MECOM: variants seen among roughly 807,000 people sequenced by gnomAD.
The protein encoded by MECOM is MDS1 and EVI1 complex locus, also known as histone-lysine N-methyltransferase MECOM.
A neutral mutation model predicts 116.3 loss-of-function variants in MECOM; 13 were observed. The observed-to-expected ratio is 0.11, with a 90% confidence interval of 0.07 to 0.18. The LOEUF (loss-of-function observed/expected upper bound fraction) is 0.18. MECOM is among the 10% of genes least tolerant of loss of function. MECOM has a pLI of 1.00. For missense variants in MECOM, 1,299 were observed against 1,509.0 expected (o/e 0.86, Z 2.31); for synonymous variants, 528 against 535.2 (o/e 0.99, Z 0.19).
At chr3:169,483,441 A>G (rs1444910356) in intron 1 of MECOM, among the ~76,000 whole-genome samples, 3 of 143,160 alleles carry the variant, frequency 2.1e-5, no homozygotes, top group African/African-American at 7.8e-5. Flanking sequence ...TCAGTTCGGT[A>G]AAGTCACCCT....
chr3:169,322,997 T>TAAAAAAAAAAAAAAAA lies in MECOM; in HGVS notation c.375+58174_375+58189dup, dbSNP rs748984561. 7.1e-5 allele frequency among the ~76,000 whole-genome samples: 4 copies of TAAAAAAAAAAAAAAAA among 56,048 alleles called. 1 individual carries two copies. Among genetic ancestry groups the TAAAAAAAAAAAAAAAA allele is most frequent in the Non-Finnish European group, 1.3e-4 (4 of 29,886 alleles). The allele number at this position is 56,048 out of a possible 152,430, so 36.8% of individuals were successfully genotyped here. On this transcript the variant is annotated intron_variant, in intron 2 of 16. Coordinates refer to ENST00000651503, the MANE Select transcript of MECOM (RefSeq NM_004991.4). ...CCTGCATGACAGAGCAAGACTCCGGTAAAAAAAAAAAAAAAAAAAAAAAAA... is the reference window on the plus strand; with the variant it reads ...CCTGCATGACAGAGCAAGACTCCGGTAAAAAAAAAAAAAAAAAAAAAAAAAAAAAAAAAAAAAAAAA...
At chr3:169,371,873 CAT>C (rs1050173246) in intron 2 of MECOM, among the ~76,000 whole-genome samples, 3 of 152,070 alleles carry the variant, frequency 2.0e-5, no homozygotes, top group Admixed American at 6.6e-5. Context: ...TCTTAGTTAA[CAT>C]AGATTGCCTG....
rs560720514 is a variant in MECOM at position 169,164,442 on chromosome 3, C to T, written c.376-20610G>A. ...CCAGTCTTGGGTATATCTTTATCAG[C>T]GGCATGAAAACCGACTAATACAACA... On this transcript the variant is annotated intron_variant, in intron 2 of 16. Coordinates refer to ENST00000651503, the MANE Select transcript of MECOM (RefSeq NM_004991.4). Among the ~76,000 whole-genome samples the T allele has an allele frequency of 3.9e-5, 6 of 152,122 alleles. No individual in the cohort carries two copies. In the South Asian group the frequency reaches 6.2e-4, roughly 16 times the overall value.
intron 1 of MECOM, among the ~76,000 whole-genome samples, chr3:169,486,864 G>A (rs977717822): frequency 3.3e-5 from 5 of 152,040 alleles, no homozygotes; most frequent in African/African-American, 7.2e-5. Context: ...ACTCTTTTAG[G>A]AGAGAAAGCA....
At chr3:169,294,956 T>C (rs1176235996) in intron 2 of MECOM, among the ~76,000 whole-genome samples, 7 of 152,212 alleles carry the variant, frequency 4.6e-5, no homozygotes, top group Non-Finnish European at 1.0e-4. Context: ...TTTGCTCTGA[T>C]AAATGCTTTC....
intron 3 of MECOM, chr3:169,131,741 C>G: frequency 1.6e-6 from 1 of 629,072 alleles, no homozygotes; most frequent in Non-Finnish European, 2.5e-6. Context: ...ACTCTCAAGC[C>G]AGTTCACAAA....
At chr3:169,171,970 T>C (rs1054642278) in intron 2 of MECOM, among the ~76,000 whole-genome samples, 2 of 152,138 alleles carry the variant, frequency 1.3e-5, no homozygotes, top group Non-Finnish European at 2.9e-5. Context: ...CAACATTCAA[T>C]GGGTTCTATC....
intron 1 of MECOM, among the ~76,000 whole-genome samples, chr3:169,399,358 A>C (rs1178164513): frequency 6.6e-6 from 1 of 151,774 alleles, no homozygotes; most frequent in Non-Finnish European, 1.5e-5. Flanking sequence ...TCTCATTTAC[A>C]AAAGTCATTG....
chr3:169,503,312 C>T (rs754185316), intron 1 of MECOM, among the ~76,000 whole-genome samples: 1 of 152,046 alleles, frequency 6.6e-6, no homozygotes, highest in Non-Finnish European at 1.5e-5. Flanking sequence ...ACAAAGAAAA[C>T]GTTGGTGAAA....
At chr3:169,518,119 C>T (rs1048497582) in intron 1 of MECOM, among the ~76,000 whole-genome samples, 2 of 151,940 alleles carry the variant, frequency 1.3e-5, no homozygotes, top group Non-Finnish European at 2.9e-5. Flanking sequence ...ATTGGACGGG[C>T]GTGATGGCAG....
At chr3:169,377,837 A>G (rs1448597519) in intron 2 of MECOM, among the ~76,000 whole-genome samples, 1 of 152,174 alleles carries the variant, frequency 6.6e-6, no homozygotes, top group African/African-American at 2.4e-5. Context: ...TACCCAAAGG[A>G]TTATAAATCA....
chr3:169,531,207 C>T (rs755712153), intron 1 of MECOM, among the ~76,000 whole-genome samples: 9 of 152,124 alleles, frequency 5.9e-5, no homozygotes, highest in African/African-American at 1.4e-4. Flanking sequence ...TATCTCAGTG[C>T]CATTATGACT....
chr3:169,440,334 G>A (rs1578107450), intron 1 of MECOM, among the ~76,000 whole-genome samples: 1 of 152,230 alleles, frequency 6.6e-6, no homozygotes, highest in Non-Finnish European at 1.5e-5. Flanking sequence ...GTTGAAATGC[G>A]AAATGCTTTA....
At chr3:169,124,236 A>T (rs1454858433) in intron 5 of MECOM, among the ~76,000 whole-genome samples, 1 of 152,118 alleles carries the variant, frequency 6.6e-6, no homozygotes, top group Non-Finnish European at 1.5e-5. Flanking sequence ...AGTCTATAGG[A>T]AATTAGAGGG....
intron 10 of MECOM, among the ~76,000 whole-genome samples, chr3:169,103,654 C>T (rs1293000410): frequency 1.3e-5 from 2 of 152,084 alleles, no homozygotes. Context: ...GAGATGGAGG[C>T]CTAATTTATG....
chr3:169,161,604 T>C (rs1325116810), intron 2 of MECOM, among the ~76,000 whole-genome samples: 2 of 152,292 alleles, frequency 1.3e-5, no homozygotes, highest in African/African-American at 2.4e-5. Flanking sequence ...TGAATACCCA[T>C]CTGTGATGGT....
At chr3:169,662,332 G>C (rs896356520) in intron 1 of MECOM, among the ~76,000 whole-genome samples, 12 of 152,144 alleles carry the variant, frequency 7.9e-5, no homozygotes, top group African/African-American at 7.2e-5. Flanking sequence ...GCGGCCCAAC[G>C]CTCTGGCAGC....
chr3:169,430,396 T>G, intron 1 of MECOM, among the ~76,000 whole-genome samples: 1 of 151,150 alleles, frequency 6.6e-6, no homozygotes, highest in East Asian at 2.1e-4. Flanking sequence ...TAATAAACAT[T>G]TATTAATTGT....
intron 1 of MECOM, among the ~76,000 whole-genome samples, chr3:169,449,060 T>C (rs1268946367): frequency 2.6e-5 from 4 of 152,148 alleles, no homozygotes; most frequent in Non-Finnish European, 4.4e-5. Context: ...CTTAACATTT[T>C]GAAAGCAAAG....
Sources: gnomAD v4.1 joint callset for allele counts (sites outside exome capture counted in the v4.1 genomes callset) on GRCh38, gnomAD v4.1.1 for gene constraint, MANE v1.5 for transcripts, NCBI Gene and HGNC (gene_info 2026-07-23, HGNC 2026-07-21) for gene names.